HPSE2: variants seen among roughly 807,000 people sequenced by gnomAD.
The protein encoded by HPSE2 is heparanase 2 (inactive).
Under a neutral mutation model 60.5 loss-of-function variants are expected in HPSE2, and 38 were observed. The ratio of observed to expected loss-of-function variants is 0.63; its 90% CI spans 0.48 to 0.82. The LOEUF (loss-of-function observed/expected upper bound fraction) is 0.82, where lower values mean the gene tolerates loss of function less well. Among genes scored for constraint, HPSE2 ranks in the 40% least tolerant of loss-of-function variants. The probability of loss-of-function intolerance (pLI) is 0.00; values close to 1 mark genes in which losing one functional copy is unlikely to be tolerated. For missense variants in HPSE2, 713 were observed against 740.4 expected (o/e 0.96, Z 0.43); for synonymous variants, 295 against 293.2 (o/e 1.01, Z -0.06).
chr10:99,115,747 G>A (rs1844664069), intron 3 of HPSE2, among the ~76,000 whole-genome samples: 2 of 151,994 alleles, frequency 1.3e-5, no homozygotes, highest in South Asian at 4.2e-4. Flanking sequence ...ATGAAAAATT[G>A]AGCTGGTAAA....
At chr10:99,054,786 C>T (rs987813161) in intron 3 of HPSE2, among the ~76,000 whole-genome samples, 13 of 152,184 alleles carry the variant, frequency 8.5e-5, no homozygotes, top group African/African-American at 3.1e-4. Context: ...TCTTGGCTCA[C>T]TGCAACCTCC....
chr10:98,457,118 T>A lies in HPSE2; in HGVS notation c.*2456A>T, dbSNP rs887280603. The A allele has an allele frequency of 3.3e-5, 5 of 152,272 alleles. No homozygotes were observed. Among genetic ancestry groups the A allele is most frequent in the African/African-American group, 1.2e-4 (5 of 41,554 alleles). The allele number at this position is 152,272 out of a possible 1,614,324, so 9.4% of individuals were successfully genotyped here. A position where few individuals can be genotyped will look rare whatever the true frequency, so the allele number is the denominator to read the frequency against. ...CCTCTTCCTTTTATTAACTAAAAAA[T>A]AAACAAAACTTAAATCTCGTGAGAG... On this transcript the variant is annotated 3_prime_UTR_variant, in exon 12 of 12. Coordinates refer to ENST00000370552, the MANE Select transcript of HPSE2 (RefSeq NM_021828.5).
At chr10:98,688,481 T>TTC (rs1947984282) in intron 6 of HPSE2, among the ~76,000 whole-genome samples, 1 of 136,530 alleles carries the variant, frequency 7.3e-6, no homozygotes, top group Admixed American at 7.6e-5. Flanking sequence ...TTTTTTCTTT[T>TTC]TTTTTTTTTT....
chr10:99,047,514 C>T (rs1296007856), intron 3 of HPSE2: 1 of 417,806 alleles, frequency 2.4e-6, no homozygotes, highest in Non-Finnish European at 4.2e-6. Context: ...GCAAAAGAAA[C>T]TATTACTAAA....
chr10:98,912,040 T>G (rs1953992641), intron 3 of HPSE2, among the ~76,000 whole-genome samples: 1 of 152,174 alleles, frequency 6.6e-6, no homozygotes, highest in African/African-American at 2.4e-5. Flanking sequence ...ACATATTAAG[T>G]GATAAATATT....
At chr10:98,809,831 A>C (rs762687090) in intron 3 of HPSE2, among the ~76,000 whole-genome samples, 4 of 152,158 alleles carry the variant, frequency 2.6e-5, no homozygotes, top group Non-Finnish European at 4.4e-5. Flanking sequence ...GTATTCTCTC[A>C]AGACATTGAC....
intron 3 of HPSE2, among the ~76,000 whole-genome samples, chr10:98,773,970 C>A (rs1462921733): frequency 6.6e-6 from 1 of 152,002 alleles, no homozygotes; most frequent in Non-Finnish European, 1.5e-5. Context: ...GTGGGAGGAT[C>A]ACTTGAGCCC....
In HPSE2 at chr10:98,482,710, C is replaced by T. The variant is rs1941289842; in HGVS notation, c.1539G>A (p.Leu513=). 5.0e-6 allele frequency: 8 copies of T among 1,614,160 alleles called. No individual in the cohort carries two copies. In the East Asian group the frequency reaches 1.8e-4, roughly 36 times the overall value. Residue 513 remains leucine (L), a synonymous_variant, in exon 11 of 12, where the codon CTG becomes CTA. Coordinates refer to ENST00000370552, the MANE Select transcript of HPSE2 (RefSeq NM_021828.5). ...CCAGCTTGTCTCTGAGAGTCCCAGC[C>T]AGCTTGATTTTCTTTCTTGATCGAT... ...NLHRSRKKIK[L]AGTLRDKLVH...
At chr10:99,168,968 G>T (rs1241140233) in intron 2 of HPSE2, among the ~76,000 whole-genome samples, 1 of 152,100 alleles carries the variant, frequency 6.6e-6, no homozygotes, top group Non-Finnish European at 1.5e-5. Flanking sequence ...GCCAAGGCGG[G>T]TGGATCACAA....
At chr10:98,505,220 G>C (rs1363334435) in intron 9 of HPSE2, among the ~76,000 whole-genome samples, 6 of 152,120 alleles carry the variant, frequency 3.9e-5, no homozygotes, top group African/African-American at 1.4e-4. Flanking sequence ...ACTGTGACTG[G>C]GGACCAGCAG....
chr10:99,313,534 A>C, the HPSE2 span, among the ~76,000 whole-genome samples: 1 of 151,772 alleles, frequency 6.6e-6, no homozygotes, highest in African/African-American at 2.4e-5. Flanking sequence ...CAACAGATTT[A>C]GAATATTCCA....
intron 3 of HPSE2, among the ~76,000 whole-genome samples, chr10:98,911,466 A>G (rs1429075942): frequency 2.0e-5 from 3 of 152,202 alleles, no homozygotes; most frequent in East Asian, 3.8e-4. Context: ...AGGAAAATGA[A>G]TAGGAGCTCA....
intron 2 of HPSE2, among the ~76,000 whole-genome samples, chr10:99,186,453 G>T (rs1161509730): frequency 6.2e-5 from 9 of 144,274 alleles, no homozygotes; most frequent in Non-Finnish European, 1.0e-4. Flanking sequence ...TGAGGTAGAA[G>T]AATCGTTTGA....
intron 3 of HPSE2, among the ~76,000 whole-genome samples, chr10:99,060,658 C>CAAA (rs35034456): frequency 1.0e-4 from 5 of 47,774 alleles, no homozygotes; most frequent in African/African-American, 1.9e-4. Flanking sequence ...AACTCTGTCT[C>CAAA]AAAAAAAAAA....
intron 3 of HPSE2, among the ~76,000 whole-genome samples, chr10:99,062,154 A>G (rs1212063461): frequency 6.6e-6 from 1 of 152,188 alleles, no homozygotes; most frequent in Non-Finnish European, 1.5e-5. Flanking sequence ...GTTCTATTTT[A>G]CAACGAGATT....
intron 2 of HPSE2, among the ~76,000 whole-genome samples, chr10:99,145,896 T>C (rs959454357): frequency 1.3e-5 from 2 of 152,204 alleles, no homozygotes; most frequent in Non-Finnish European, 2.9e-5. Context: ...TTAGGATGTG[T>C]GGCACACAAA....
At chr10:98,637,353 G>T (rs1946524734) in intron 7 of HPSE2, among the ~76,000 whole-genome samples, 1 of 152,074 alleles carries the variant, frequency 6.6e-6, no homozygotes, top group African/African-American at 2.4e-5. Context: ...AAAAAGCAAA[G>T]AACAAGTTGA....
chr10:99,117,147 A>G (rs1205967426), intron 3 of HPSE2, among the ~76,000 whole-genome samples: 3 of 152,070 alleles, frequency 2.0e-5, no homozygotes, highest in Non-Finnish European at 2.9e-5. Flanking sequence ...TTTATAATTC[A>G]AGAAAACCAA....
At chr10:98,585,513 G>T (rs1944914862) in intron 9 of HPSE2, among the ~76,000 whole-genome samples, 1 of 151,332 alleles carries the variant, frequency 6.6e-6, no homozygotes, top group Non-Finnish European at 1.5e-5. Context: ...CTTGTGATCT[G>T]CTCGCCTCAG....
Sources: gnomAD v4.1 joint callset for allele counts (sites outside exome capture counted in the v4.1 genomes callset) on GRCh38, gnomAD v4.1.1 for gene constraint, MANE v1.5 for transcripts, NCBI Gene and HGNC (gene_info 2026-07-23, HGNC 2026-07-21) for gene names.